The following EEIG1 variants were observed in gnomAD, a reference collection of about 807,000 sequenced individuals.
EEIG1 encodes the protein estrogen-induced osteoclastogenesis regulator 1.
chr9:127,977,091 C>G, the EEIG1 span, among the ~76,000 whole-genome samples: 1 of 152,226 alleles, frequency 6.6e-6, no homozygotes, highest in Non-Finnish European at 1.5e-5. Flanking sequence ...CAGCTCTAAA[C>G]TGGCCTCAGG....
the EEIG1 span, among the ~76,000 whole-genome samples, chr9:127,964,920 G>A: frequency 6.6e-6 from 1 of 151,834 alleles, no homozygotes; most frequent in African/African-American, 2.4e-5. Flanking sequence ...TGGACAACAC[G>A]GTGAAACATG....
chr9:127,980,691 C>T, the EEIG1 span, among the ~76,000 whole-genome samples: 2 of 150,198 alleles, frequency 1.3e-5, no homozygotes, highest in East Asian at 2.0e-4. Context: ...GGTGGGGCAC[C>T]CCCAGGGGGC....
chr9:127,953,599 C>A, the EEIG1 span: 1 of 1,614,152 alleles, frequency 6.2e-7, no homozygotes, highest in Non-Finnish European at 8.5e-7. Flanking sequence ...TCCCGCCTTT[C>A]AGCTCCTGCA....
chr9:127,959,496 G>T, the EEIG1 span, among the ~76,000 whole-genome samples: 2 of 152,220 alleles, frequency 1.3e-5, no homozygotes, highest in African/African-American at 2.4e-5. Flanking sequence ...GGATGATATG[G>T]TCTGGCTCTG....
At chr9:127,953,590 C>T in the EEIG1 span, 1 of 1,614,132 alleles carries the variant, frequency 6.2e-7, no homozygotes, top group South Asian at 1.1e-5. Context: ...AATAAGCCTT[C>T]CCGCCTTTCA....
the EEIG1 span, among the ~76,000 whole-genome samples, chr9:127,963,168 T>A: frequency 2.0e-5 from 3 of 152,232 alleles, no homozygotes; most frequent in Non-Finnish European, 4.4e-5. Flanking sequence ...CCAAGAGTTG[T>A]TTCCATAATT....
chr9:127,975,344 A>T, the EEIG1 span, among the ~76,000 whole-genome samples: 1 of 152,212 alleles, frequency 6.6e-6, no homozygotes. Flanking sequence ...GACTGCCCAA[A>T]TCAAAAGCCC....
At chr9:127,971,023 G>A in the EEIG1 span, among the ~76,000 whole-genome samples, 1 of 152,212 alleles carries the variant, frequency 6.6e-6, no homozygotes, top group Non-Finnish European at 1.5e-5. Flanking sequence ...TTGTCTGGGG[G>A]GAGCCTAGGG....
chr9:127,969,360 C>T, the EEIG1 span, among the ~76,000 whole-genome samples: 1 of 152,148 alleles, frequency 6.6e-6, no homozygotes, highest in African/African-American at 2.4e-5. Context: ...AGAAGAGAAA[C>T]AATTACAGGG....
the EEIG1 span, chr9:127,963,658 T>C: frequency 1.3e-5 from 2 of 152,308 alleles, no homozygotes; most frequent in Non-Finnish European, 2.9e-5. Flanking sequence ...GGCTGCCCAG[T>C]GACCTGACCA....
At chr9:127,965,106 CAAAAAAAAAAAAAAAAAAAAAAAAAA>C in the EEIG1 span, among the ~76,000 whole-genome samples, 3 of 69,724 alleles carry the variant, frequency 4.3e-5, no homozygotes, top group Admixed American at 5.4e-4. Flanking sequence ...AAGACTGTCT[CAAAAAAAAAAAAAAAAAAAAAAAAAA>C]AAAAAAAAAA....
chr9:127,953,274 C>G, the EEIG1 span: 2 of 435,774 alleles, frequency 4.6e-6, no homozygotes, highest in Non-Finnish European at 8.1e-6. Flanking sequence ...CTTACAAGGT[C>G]TGGAAAGGTC....
the EEIG1 span, among the ~76,000 whole-genome samples, chr9:127,966,090 A>G: frequency 6.6e-6 from 1 of 152,240 alleles, no homozygotes; most frequent in African/African-American, 2.4e-5. Context: ...GGCTGGCATC[A>G]TAAGTGACCC....
At chr9:127,944,642 G>C in the EEIG1 span, 78 of 1,612,156 alleles carry the variant, frequency 4.8e-5, no homozygotes, top group African/African-American at 8.0e-4. Context: ...GCCGCTCAGC[G>C]TGGCAGAGCC....
chr9:127,969,008 C>A, the EEIG1 span, among the ~76,000 whole-genome samples: 1 of 152,292 alleles, frequency 6.6e-6, no homozygotes, highest in East Asian at 1.9e-4. Context: ...GTGCTAGACA[C>A]GGGGGACACA....
chr9:127,959,722 G>A, the EEIG1 span, among the ~76,000 whole-genome samples: 4 of 152,098 alleles, frequency 2.6e-5, no homozygotes, highest in Admixed American at 6.6e-5. Flanking sequence ...CTTCCCCTTC[G>A]CCTTCTGCCA....
At chr9:127,972,423 CAGG>C in the EEIG1 span, among the ~76,000 whole-genome samples, 1 of 152,206 alleles carries the variant, frequency 6.6e-6, no homozygotes, top group African/African-American at 2.4e-5. The surrounding 1 kb of genome is among the most constrained non-coding windows in gnomAD (Gnocchi z 4.3). Context: ...TGCCTGGACA[CAGG>C]AGGACAGACT....
the EEIG1 span, among the ~76,000 whole-genome samples, chr9:127,977,705 A>C: frequency 1.3e-5 from 2 of 152,210 alleles, no homozygotes; most frequent in East Asian, 1.9e-4. Context: ...CCCATTTTAC[A>C]GAAAAGGAAA....
At chr9:127,973,451 C>A in the EEIG1 span, among the ~76,000 whole-genome samples, 2 of 152,214 alleles carry the variant, frequency 1.3e-5, no homozygotes, top group African/African-American at 4.8e-5. The surrounding 1 kb of genome is among the most constrained non-coding windows in gnomAD (Gnocchi z 4.2). Context: ...AAGCAAGGAA[C>A]AGGCCTCAGG....
Sources: allele counts gnomAD v4.1 joint callset (sites outside exome capture counted in the v4.1 genomes callset), GRCh38; gene constraint gnomAD v4.1.1; non-coding constraint Gnocchi (gnomAD v3.1); transcripts MANE v1.5; gene names NCBI Gene and HGNC (gene_info 2026-07-23, HGNC 2026-07-21).